Variants in TTC27 observed in about 807,000 individuals in gnomAD.
TTC27 encodes tetratricopeptide repeat protein 27.
TTC27 carries 79 observed loss-of-function variants against 115.9 expected under a neutral mutation model. That is an observed-to-expected ratio of 0.68 (90% CI 0.57 to 0.82). The LOEUF is 0.82. TTC27 is among the 40% of genes least tolerant of loss of function. TTC27 has a pLI of 0.00. For missense variants in TTC27, 1,054 were observed against 993.1 expected (o/e 1.06, Z -0.82); for synonymous variants, 401 against 356.0 (o/e 1.13, Z -1.42).
intron 8 of TTC27, among the ~76,000 whole-genome samples, chr2:32,676,614 C>T (rs1666218523): frequency 6.6e-6 from 1 of 151,390 alleles, no homozygotes; most frequent in Non-Finnish European, 1.5e-5. Context: ...CCTCAGTCTC[C>T]TGAGTAGCTG....
chr2:32,767,988 G>A (rs1669697343), intron 13 of TTC27, among the ~76,000 whole-genome samples: 1 of 151,718 alleles, frequency 6.6e-6, no homozygotes, highest in African/African-American at 2.4e-5. Flanking sequence ...GGTAATCTTA[G>A]GAAAAAATAA....
At chr2:32,758,835 G>C (rs1173663972) in intron 13 of TTC27, among the ~76,000 whole-genome samples, 2 of 152,028 alleles carry the variant, frequency 1.3e-5, no homozygotes, top group Non-Finnish European at 2.9e-5. Context: ...GGAAGAAAAT[G>C]AACAAGAGCC....
chr2:32,774,596 G>A (rs187841141), intron 13 of TTC27, among the ~76,000 whole-genome samples: 5 of 152,174 alleles, frequency 3.3e-5, no homozygotes, highest in Non-Finnish European at 7.4e-5. Context: ...GGAATCGAGA[G>A]AGGTTTTTTT....
At chr2:32,803,684 C>T (rs139436575) in intron 16 of TTC27, among the ~76,000 whole-genome samples, 97 of 151,996 alleles carry the variant, frequency 6.4e-4, no homozygotes, top group African/African-American at 2.1e-3. Flanking sequence ...TAAAACTTCA[C>T]GTTGGGGAAA....
chr2:32,640,077 G>C (rs1286296667), intron 3 of TTC27, among the ~76,000 whole-genome samples, 193 bp from the exon 4 acceptor site: 1 of 152,146 alleles, frequency 6.6e-6, no homozygotes, highest in Non-Finnish European at 1.5e-5. Flanking sequence ...CCATCCATCA[G>C]GGCAGGCTGG....
chr2:32,796,841 G>A (rs888573000), intron 16 of TTC27, among the ~76,000 whole-genome samples: 2 of 152,226 alleles, frequency 1.3e-5, no homozygotes, highest in East Asian at 1.9e-4. Context: ...TCAGAAATCT[G>A]TGTATATGGT....
At chr2:32,738,392 GCTTGCTGCCATTA>G (rs1668516659) in intron 12 of TTC27, among the ~76,000 whole-genome samples, 1 of 152,156 alleles carries the variant, frequency 6.6e-6, no homozygotes, top group South Asian at 2.1e-4. Context: ...TGACATGAGT[GCTTGCTGCCATTA>G]CTTGCTGTGA....
chr2:32,775,991 A>G (rs112038853), intron 13 of TTC27, among the ~76,000 whole-genome samples: 3 of 152,318 alleles, frequency 2.0e-5, no homozygotes, highest in African/African-American at 7.2e-5. Flanking sequence ...TAAAAAACAG[A>G]TGAAAGCAAA....
rs747975631 is a variant in TTC27 at position 32,666,621 on chromosome 2, T to A, written c.806-14T>A. 2.5e-6 allele frequency: 4 copies of A among 1,613,644 alleles called. No homozygotes were observed. Among genetic ancestry groups the A allele is most frequent in the Non-Finnish European group, 3.4e-6 (4 of 1,179,746 alleles). ...ATGGGTAAGTCAGTAGATATAATTTTATTGTTTTTTCAGGTGCTTTGGGAA... is the reference window on the plus strand; with the variant it reads ...ATGGGTAAGTCAGTAGATATAATTTAATTGTTTTTTCAGGTGCTTTGGGAA... On this transcript the variant is annotated splice_polypyrimidine_tract_variant and intron_variant, in intron 6 of 19. Transcript: ENST00000317907.
At chr2:32,781,384 C>T (rs985399771) in intron 14 of TTC27, among the ~76,000 whole-genome samples, 2 of 151,872 alleles carry the variant, frequency 1.3e-5, no homozygotes, top group Non-Finnish European at 2.9e-5. Context: ...TATTTTTTCC[C>T]TTTGGTTATG....
At chr2:32,658,728 G>T (rs1227361032) in intron 5 of TTC27, among the ~76,000 whole-genome samples, 1 of 152,128 alleles carries the variant, frequency 6.6e-6, no homozygotes, top group East Asian at 1.9e-4. Context: ...TTGGATAAGG[G>T]TGCCTGTTAG....
chr2:32,681,406 G>A (rs768520381), intron 9 of TTC27, among the ~76,000 whole-genome samples: 6 of 152,040 alleles, frequency 3.9e-5, no homozygotes, highest in African/African-American at 9.7e-5. Context: ...GCATGATACC[G>A]AAGTGGATAA....
At chr2:32,653,061 TA>T (rs1342212666) in intron 5 of TTC27, among the ~76,000 whole-genome samples, 2 of 152,218 alleles carry the variant, frequency 1.3e-5, no homozygotes, top group Non-Finnish European at 2.9e-5. Context: ...GATGTCACAC[TA>T]AATGAAAGCA....
chr2:32,723,699 C>T (rs900883710), intron 10 of TTC27, among the ~76,000 whole-genome samples: 6 of 52,836 alleles, frequency 1.1e-4, no homozygotes, highest in East Asian at 7.2e-4. Flanking sequence ...CTCCTTCCTC[C>T]CTCCCTCCCT....
chr2:32,648,916 T>C (rs1664973492), intron 4 of TTC27, among the ~76,000 whole-genome samples: 1 of 151,962 alleles, frequency 6.6e-6, no homozygotes, highest in Non-Finnish European at 1.5e-5. Flanking sequence ...GAAGCTGAAG[T>C]GGGAGGATCA....
At chr2:32,734,566 G>A (rs2082351) in intron 11 of TTC27, among the ~76,000 whole-genome samples, 48,538 of 151,960 alleles carry the variant, frequency 0.32, 8,463 homozygotes, top group Non-Finnish European at 0.38. Context: ...CACATGGTGG[G>A]GTGGGGATTC....
At chr2:32,706,396 A>G (rs1381325375) in intron 10 of TTC27, among the ~76,000 whole-genome samples, 3 of 151,092 alleles carry the variant, frequency 2.0e-5, no homozygotes, top group African/African-American at 7.3e-5. Flanking sequence ...CTTATTCTTA[A>G]TTTATTATTG....
chr2:32,646,552 A>AT (rs1664866667), intron 4 of TTC27, among the ~76,000 whole-genome samples: 2 of 114,726 alleles, frequency 1.7e-5, no homozygotes, highest in South Asian at 5.8e-4. Flanking sequence ...TGCTTTCTAT[A>AT]TTTGGTTTTT....
At chr2:32,647,066 T>G (rs1664892457) in intron 4 of TTC27, among the ~76,000 whole-genome samples, 1 of 150,806 alleles carries the variant, frequency 6.6e-6, no homozygotes, top group East Asian at 2.0e-4. Flanking sequence ...AACCTTAAAC[T>G]CCTGAGTAGC....
Sources: allele counts gnomAD v4.1 joint callset (sites outside exome capture counted in the v4.1 genomes callset), GRCh38; gene constraint gnomAD v4.1.1; transcripts MANE v1.5; gene names NCBI Gene and HGNC (gene_info 2026-07-23, HGNC 2026-07-21).